FREM2: variants seen among roughly 807,000 people sequenced by gnomAD.
FREM2 encodes the protein FRAS1-related extracellular matrix protein 2.
A neutral mutation model predicts 219.9 loss-of-function variants in FREM2; 119 were observed. The ratio of observed to expected loss-of-function variants is 0.54; its 90% CI spans 0.47 to 0.63. FREM2 has a LOEUF of 0.63. FREM2 is among the 30% of genes least tolerant of loss of function. The probability of loss-of-function intolerance (pLI) is 0.00; values close to 1 mark genes in which losing one functional copy is unlikely to be tolerated. For missense variants in FREM2, 4,030 were observed against 3,993.6 expected (o/e 1.01, Z -0.25); for synonymous variants, 1,562 against 1,522.8 (o/e 1.03, Z -0.60).
chr13:38,816,993 TAATA>T (rs1304496373), intron 6 of FREM2, among the ~76,000 whole-genome samples: 5 of 152,024 alleles, frequency 3.3e-5, no homozygotes, highest in African/African-American at 1.2e-4. Context: ...AGATACCTAG[TAATA>T]AATTTAGTCA....
In FREM2 at chr13:38,859,393, C is replaced by T. The variant is rs146903976; in HGVS notation, c.7322C>T (p.Ala2441Val). ...TRYRWLISAP[A>V]GPDGVTSPMR... ...TACCGGTGGCTGATTAGTGCACCTG[C>T]GGGCCCTGACGGTGTGACCAGCCCT... The change falls in exon 14 of 24, where the codon GCG becomes GTG. Residue 2441 changes from alanine to valine, a missense_variant. Ala to Val is a moderately conservative substitution (Grantham distance 64). This residue lies in a region of FREM2 where 928 missense variants were observed against 1,042.9 expected (regional missense o/e 0.89). Transcript: ENST00000280481. 2 of 1,614,158 alleles carry T rather than the reference C, an allele frequency of 1.2e-6. No individual in the cohort carries two copies. Among genetic ancestry groups the T allele is most frequent in the South Asian group, 1.1e-5 (1 of 91,076 alleles).
chr13:38,784,647 A>G lies in FREM2; in HGVS notation c.5858A>G (p.Asp1953Gly), dbSNP rs794727814. The change falls in exon 6 of 24, where the codon GAC becomes GGC. Residue 1953 changes from aspartate (D) to glycine (G), a missense_variant. Asp to Gly is a moderately conservative substitution (Grantham distance 94). Transcript: ENST00000280481. Reference sequence around the variant, plus strand: ...GACCACACCAGTGTTGTCCGCTTTGACAAAGATGAACGGGAGAAACTGTGT... The same window carrying G: ...GACCACACCAGTGTTGTCCGCTTTGGCAAAGATGAACGGGAGAAACTGTGT... ...PEDHTSVVRF[D>G]KDEREKLCRI... 1.9e-6 allele frequency: 3 copies of G among 1,614,182 alleles called. No individual in the cohort carries two copies. Among genetic ancestry groups the G allele is most frequent in the Non-Finnish European group, 2.5e-6 (3 of 1,180,016 alleles).
chr13:38,860,858 T>C (rs933290996), intron 14 of FREM2, among the ~76,000 whole-genome samples: 3 of 152,222 alleles, frequency 2.0e-5, no homozygotes, highest in African/African-American at 7.2e-5. Context: ...TTATAATGTA[T>C]AATACACATA....
At chr13:38,876,489 A>G (rs1878346883) in intron 20 of FREM2, 107 bp downstream of exon 20, 2 of 946,714 alleles carry the variant, frequency 2.1e-6, no homozygotes, top group Non-Finnish European at 1.6e-6. Flanking sequence ...TAATTCTTGC[A>G]TGCTGAAAAG....
intron 6 of FREM2, among the ~76,000 whole-genome samples, chr13:38,785,033 C>T (rs764372685): frequency 1.4e-4 from 22 of 151,970 alleles, no homozygotes; most frequent in Non-Finnish European, 2.4e-4. Flanking sequence ...GAGTTTTTTC[C>T]GCTGCGCCGT....
intron 22 of FREM2, among the ~76,000 whole-genome samples, chr13:38,878,543 C>T (rs568540808): frequency 4.0e-5 from 6 of 151,184 alleles, no homozygotes; most frequent in Admixed American, 2.6e-4. Context: ...AGCCGAGCAT[C>T]GTGGCACATG....
At position 38,784,639 on chromosome 13, in the gene FREM2, C is replaced by A; in HGVS notation, c.5850C>A (p.Val1950=). ...GGCCTGAGGACCACACCAGTGTTGT[C>A]CGCTTTGACAAAGATGAACGGGAGA... The part of the protein sequence containing the change: ...ISRPEDHTSV[V]RFDKDEREKL... Residue 1950 remains valine, a synonymous_variant, in exon 6 of 24, where the codon GTC becomes GTA. Transcript: ENST00000280481. The A allele has an allele frequency of 6.2e-7, 1 of 1,614,168 alleles. No homozygotes were observed. The highest frequency in any genetic ancestry group is 8.5e-7 in the Non-Finnish European group (1 of 1,180,008).
At chr13:38,853,511 C>T (rs760082714) in intron 11 of FREM2, among the ~76,000 whole-genome samples, 14 of 152,110 alleles carry the variant, frequency 9.2e-5, no homozygotes, top group Non-Finnish European at 1.9e-4. Context: ...GATCTTAGCA[C>T]GTCAGGCATT....
intron 15 of FREM2, 148 bp from the exon 16 acceptor site, chr13:38,864,127 C>A: frequency 1.5e-6 from 1 of 682,938 alleles, no homozygotes; most frequent in Non-Finnish European, 2.6e-6. Flanking sequence ...CGTCACCGGG[C>A]CTGGACACCA....
In FREM2 at chr13:38,784,849, A is replaced by T. The variant is rs189579286; in HGVS notation, c.6019+41A>T. The T allele has an allele frequency of 6.5e-4, 1,038 of 1,607,274 alleles. 6 individuals are homozygous for T. In the Middle Eastern group the frequency reaches 0.011, roughly 17 times the overall value. On this transcript the variant is annotated intron_variant, in intron 6 of 23. Coordinates refer to ENST00000280481, the MANE Select transcript of FREM2 (RefSeq NM_207361.6). The stretch of plus-strand genomic sequence containing the variant: ...CTTGAAAATTCTTTTTCCCGGGAAG[A>T]TCAACATCAGGAACAACTTTCTAGA...
chr13:38,709,752 T>G (rs1397833007), intron 2 of FREM2, among the ~76,000 whole-genome samples: 1 of 151,470 alleles, frequency 6.6e-6, no homozygotes, highest in Non-Finnish European at 1.5e-5. Flanking sequence ...AGGACCGTGA[T>G]TTGACACAGA....
rs376823340 is a variant in FREM2, at chr13:38,872,762, C to T, written c.8004C>T (p.Ser2668=). 7.4e-6 allele frequency: 12 copies of T among 1,613,858 alleles called. No individual in the cohort carries two copies. Among genetic ancestry groups the T allele is most frequent in the Non-Finnish European group, 1.0e-5 (12 of 1,179,910 alleles). Residue 2668 remains serine, a synonymous_variant, in exon 17 of 24, where the codon TCC becomes TCT. Coordinates refer to ENST00000280481, the MANE Select transcript of FREM2 (RefSeq NM_207361.6). ...TTTAGGTCCTAAACCTAGTGCAGTC[C>T]TATGTGACCCTTCGAGTCCCTCTGT... The part of the protein sequence containing the change: ...TDGQVLNLVQ[S]YVTLRVPLYV...
At chr13:38,694,067 T>G (rs1230570551) in intron 1 of FREM2, among the ~76,000 whole-genome samples, 2 of 152,212 alleles carry the variant, frequency 1.3e-5, no homozygotes, top group Non-Finnish European at 2.9e-5. Flanking sequence ...TTAGAGATTT[T>G]TAAAAGGACT....
At position 38,691,784 on chromosome 13, in the gene FREM2, G is replaced by T. The variant is rs372404831; in HGVS notation, c.4440G>T (p.Thr1480=). 6.2e-7 allele frequency: 1 copy of T among 1,614,136 alleles called. No individual in the cohort carries two copies. Among genetic ancestry groups the T allele is most frequent in the Non-Finnish European group, 8.5e-7 (1 of 1,180,038 alleles). The change falls in exon 1 of 24, where the codon ACG becomes ACT. Residue 1480 remains threonine, a synonymous_variant. Coordinates refer to ENST00000280481, the MANE Select transcript of FREM2 (RefSeq NM_207361.6). ...CGGATCAGCCTGGTGTGTCCATCAC[G>T]TCTTTCACTCAGCTGCAACTGGCTG... ...ECTDQPGVSI[T]SFTQLQLAGN...
intron 2 of FREM2, among the ~76,000 whole-genome samples, chr13:38,725,346 G>T (rs1465388336): frequency 6.6e-6 from 1 of 151,800 alleles, no homozygotes; most frequent in African/African-American, 2.4e-5. Context: ...TTAGGTGGTT[G>T]TCAGCCATGA....
intron 6 of FREM2, among the ~76,000 whole-genome samples, chr13:38,792,888 A>G (rs942996309): frequency 2.0e-5 from 3 of 152,220 alleles, no homozygotes; most frequent in South Asian, 2.1e-4. Flanking sequence ...AAATCAAATG[A>G]TTAAGTATAA....
At chr13:38,823,380 C>G (rs1163563087) in intron 6 of FREM2, among the ~76,000 whole-genome samples, 3 of 151,870 alleles carry the variant, frequency 2.0e-5, no homozygotes, top group South Asian at 2.1e-4. Flanking sequence ...CATGTTCCCC[C>G]CTTTTTTAAC....
intron 2 of FREM2, among the ~76,000 whole-genome samples, chr13:38,748,637 A>G (rs959690907): frequency 5.9e-5 from 9 of 152,180 alleles, no homozygotes; most frequent in Admixed American, 1.3e-4. Context: ...CTCAGTGCAT[A>G]TTCACATATT....
intron 6 of FREM2, among the ~76,000 whole-genome samples, chr13:38,842,843 C>T (rs1877011088): frequency 6.6e-6 from 1 of 152,208 alleles, no homozygotes; most frequent in South Asian, 2.1e-4. Context: ...CACCTGTCCA[C>T]CTCTTCTACG....
Sources: gnomAD v4.1 joint callset for allele counts (sites outside exome capture counted in the v4.1 genomes callset) on GRCh38, gnomAD v4.1.1 for gene constraint, gnomAD v4.1.1 regional missense constraint, MANE v1.5 for transcripts, NCBI Gene and HGNC (gene_info 2026-07-23, HGNC 2026-07-21) for gene names.